Variants in ARID1A observed in about 807,000 individuals in gnomAD.
ARID1A encodes the protein AT-rich interaction domain 1A, also known as AT-rich interactive domain-containing protein 1A.
ARID1A carries 20 observed loss-of-function variants against 212.6 expected under a neutral mutation model. The ratio of observed to expected loss-of-function variants is 0.09; its 90% CI spans 0.07 to 0.14. ARID1A has a LOEUF of 0.14. ARID1A is among the 10% of genes least tolerant of loss of function. The pLI, the probability that ARID1A is intolerant of heterozygous loss-of-function variation, is 1.00. For missense variants in ARID1A, 2,587 were observed against 3,059.0 expected, an observed-to-expected ratio of 0.85 and a Z score of 3.64; for synonymous variants, 1,376 against 1,222.1, an observed-to-expected ratio of 1.13 and a Z score of -2.63.
At chr1:26,729,428 G>A (rs2080651171) in intron 1 of ARID1A, 2 of 567,864 alleles carry the variant, frequency 3.5e-6, no homozygotes, top group Non-Finnish European at 6.3e-6. Flanking sequence ...AGCTTACAAG[G>A]TGTTTTCACA....
At chr1:26,770,298 T>C (rs2081072487) in intron 11 of ARID1A, 1 of 152,008 alleles carries the variant, frequency 6.6e-6, no homozygotes, top group Admixed American at 6.6e-5. Context: ...CAATGAGATA[T>C]GTAGGGGAGC....
chr1:26,728,274 A>C (rs2080637423), intron 1 of ARID1A, among the ~76,000 whole-genome samples: 3 of 152,222 alleles, frequency 2.0e-5, no homozygotes, highest in Admixed American at 2.0e-4. Context: ...GATATTAAGA[A>C]GAACAGCCTC....
At chr1:26,714,477 A>G (rs2080483124) in intron 1 of ARID1A, among the ~76,000 whole-genome samples, 1 of 152,006 alleles carries the variant, frequency 6.6e-6, no homozygotes, top group Non-Finnish European at 1.5e-5. Context: ...GTAGTGGCGC[A>G]ATCTCGGCTC....
At chr1:26,772,348 G>T (rs774582479) in intron 12 of ARID1A, 152 bp from the exon 13 acceptor site, 6 of 1,107,864 alleles carry the variant, frequency 5.4e-6, no homozygotes, top group Non-Finnish European at 7.7e-6. Context: ...TTTATGACCT[G>T]GCCTTGTAGA....
At chr1:26,761,306 C>T in intron 5 of ARID1A, 78 bp from the exon 6 acceptor site, 5 of 1,559,836 alleles carry the variant, frequency 3.2e-6, no homozygotes, top group Non-Finnish European at 4.4e-6. Context: ...TGAGCCATTT[C>T]TAGCTCTGAA....
chr1:26,729,912 G>A (rs2124786015), intron 2 of ARID1A, 49 bp downstream of exon 2: 2 of 1,584,438 alleles, frequency 1.3e-6, no homozygotes, highest in Middle Eastern at 2.2e-4. Flanking sequence ...TCCAAAATCT[G>A]ATCTGTGAGC....
At chr1:26,775,419 G>A (rs2081125758) in intron 18 of ARID1A, among the ~76,000 whole-genome samples, 158 bp from the exon 19 acceptor site, 1 of 152,158 alleles carries the variant, frequency 6.6e-6, no homozygotes, top group Non-Finnish European at 1.5e-5. Flanking sequence ...TAGACAGACA[G>A]CTTAGAAGCC....
chr1:26,776,849 G>A (rs974412951), intron 19 of ARID1A, among the ~76,000 whole-genome samples: 4 of 152,076 alleles, frequency 2.6e-5, no homozygotes, highest in African/African-American at 9.7e-5. Flanking sequence ...GAGTAAATAG[G>A]CTCAGTCTTA....
intron 4 of ARID1A, among the ~76,000 whole-genome samples, chr1:26,745,214 A>G (rs1014718312): frequency 2.0e-5 from 3 of 152,204 alleles, no homozygotes; most frequent in African/African-American, 4.8e-5. Context: ...GGGAACGTCT[A>G]TCTCGGAGCT....
intron 2 of ARID1A, 77 bp downstream of exon 2, chr1:26,729,940 TC>T (rs2080657759): frequency 2.0e-6 from 3 of 1,510,454 alleles, no homozygotes; most frequent in Non-Finnish European, 2.7e-6. Flanking sequence ...TCAGAATGTA[TC>T]CTTGGCTTCC....
chr1:26,730,746 T>G (rs1248654414), intron 2 of ARID1A, among the ~76,000 whole-genome samples: 1 of 152,226 alleles, frequency 6.6e-6, no homozygotes, highest in South Asian at 2.1e-4. Context: ...TCTGAATTAC[T>G]AAACCTTAGG....
At chr1:26,738,236 C>T (rs889367577) in intron 4 of ARID1A, among the ~76,000 whole-genome samples, 2 of 152,100 alleles carry the variant, frequency 1.3e-5, no homozygotes, top group African/African-American at 4.8e-5. Flanking sequence ...GTTGGCCAGA[C>T]TGGTCTCGAA....
rs1187022136 is a variant in ARID1A, at chr1:26,696,026, G to A, written c.-378G>A. 15 of 800,570 alleles carry A rather than the reference G, an allele frequency of 1.9e-5. No homozygotes were observed. Among genetic ancestry groups the A allele is most frequent in the Non-Finnish European group, 2.2e-5 (15 of 667,390 alleles). 49.6% of individuals were successfully genotyped at this position (800,570 alleles called of 1,614,324 possible). ...TCCCTCCCTCCCTCCTCCTTTCTCC[G>A]GCAGCAGAAAGCGGAGAGTCACAGC... On this transcript the variant is annotated 5_prime_UTR_variant, in exon 1 of 20. Transcript: ENST00000324856.
At position 26,697,089 on chromosome 1, in the gene ARID1A, A is replaced by G. The variant is rs1234556947; in HGVS notation, c.686A>G (p.Tyr229Cys). 6.7e-7 allele frequency: 1 copy of G among 1,483,670 alleles called. No individual in the cohort carries two copies. Among genetic ancestry groups the G allele is most frequent in the Non-Finnish European group, 8.9e-7 (1 of 1,121,490 alleles). 91.9% of individuals were successfully genotyped at this position (1,483,670 alleles called of 1,614,324 possible). The change falls in exon 1 of 20, where the codon TAC becomes TGC. Residue 229 changes from tyrosine to cysteine, a missense_variant. Physicochemically the swap from Tyr to Cys is radical, Grantham distance 194 (BLOSUM62 -2). This residue lies in a region of ARID1A where 735 missense variants were observed against 590.6 expected (regional missense o/e 1.24). Coordinates refer to ENST00000324856, the MANE Select transcript of ARID1A (RefSeq NM_006015.6). The stretch of plus-strand genomic sequence containing the variant: ...GCCTACCCCCCGCCCGCCCCGGCCT[A>G]CGCGCTGAGCTCCCCGAGAGGTGGC... ...RSAYPPPAPAYALSSPRGGTP... is the reference protein window; with the variant it reads ...RSAYPPPAPACALSSPRGGTP...
intron 7 of ARID1A, among the ~76,000 whole-genome samples, 166 bp from the exon 8 acceptor site, chr1:26,762,807 T>C (rs2081004672): frequency 6.6e-6 from 1 of 152,250 alleles, no homozygotes; most frequent in Non-Finnish European, 1.5e-5. Context: ...TGCCTTTACA[T>C]GCTTCTGGAA....
At chr1:26,777,290 A>G (rs2124131595) in intron 19 of ARID1A, among the ~76,000 whole-genome samples, 1 of 152,236 alleles carries the variant, frequency 6.6e-6, no homozygotes. Context: ...GTGCAATCAC[A>G]GCTCACTGCA....
chr1:26,762,155 A>G lies in ARID1A; in HGVS notation c.2255A>G (p.Tyr752Cys). The stretch of plus-strand genomic sequence containing the variant: ...TATGGATGCTACCCACAAATAGGTT[A>G]TATGCAGAGGAACCCCCAGATGCCC... ...NQSSIAQDRG[Y>C]MQRNPQMPQY... The change falls in exon 7 of 20, where the codon TAT (tyrosine) becomes TGT (cysteine). Residue 752 changes from tyrosine to cysteine, a missense_variant. Tyr to Cys is a radical substitution (Grantham distance 194). Around this residue, in one of 11 missense-constraint regions of ARID1A, gnomAD observed 674 missense variants for 813.4 expected, o/e 0.83. Coordinates refer to ENST00000324856, the MANE Select transcript of ARID1A (RefSeq NM_006015.6). 1 of 1,612,876 alleles carries G rather than the reference A, an allele frequency of 6.2e-7. No individual in the cohort carries two copies. Among genetic ancestry groups the G allele is most frequent in the East Asian group, 2.2e-5 (1 of 44,838 alleles).
At chr1:26,719,456 C>A (rs949688962) in intron 1 of ARID1A, among the ~76,000 whole-genome samples, 2 of 152,142 alleles carry the variant, frequency 1.3e-5, no homozygotes, top group African/African-American at 2.4e-5. Context: ...CATCTGAATT[C>A]TAGAGACACT....
At chr1:26,706,760 T>A (rs1293839758) in intron 1 of ARID1A, among the ~76,000 whole-genome samples, 1 of 152,210 alleles carries the variant, frequency 6.6e-6, no homozygotes, top group Admixed American at 6.5e-5. Flanking sequence ...TATTACTGTG[T>A]CTCTTTGGCA....
Sources: gnomAD v4.1 joint callset for allele counts (sites outside exome capture counted in the v4.1 genomes callset) on GRCh38, gnomAD v4.1.1 for gene constraint, gnomAD v4.1.1 regional missense constraint, MANE v1.5 for transcripts, NCBI Gene and HGNC (gene_info 2026-07-23, HGNC 2026-07-21) for gene names.